The following CDH13 variants were observed in gnomAD, a reference collection of about 807,000 sequenced individuals.
CDH13 encodes cadherin-13.
A neutral mutation model predicts 63.8 loss-of-function variants in CDH13; 24 were observed. That is an observed-to-expected ratio of 0.38 (90% CI 0.27 to 0.53). The LOEUF (loss-of-function observed/expected upper bound fraction) is 0.53, where lower values mean the gene tolerates loss of function less well. CDH13 is among the 20% of genes least tolerant of loss of function. The pLI is 0.85. For missense variants in CDH13, 1,049 were observed against 903.1 expected, an observed-to-expected ratio of 1.16 and a Z score of -2.07; for synonymous variants, 503 against 355.3, an observed-to-expected ratio of 1.42 and a Z score of -4.67.
intron 4 of CDH13, among the ~76,000 whole-genome samples, chr16:83,191,530 CATAT>C (rs71376303): frequency 0.045 from 3,327 of 74,280 alleles, 86 homozygotes; most frequent in African/African-American, 0.065. Flanking sequence ...CACACACACA[CATAT>C]ATATATATAT....
chr16:83,507,591 A>G (rs1232650277), intron 7 of CDH13, among the ~76,000 whole-genome samples: 1 of 152,236 alleles, frequency 6.6e-6, no homozygotes. Flanking sequence ...GGAATGCTTA[A>G]CTGAGCTAGA....
intron 1 of CDH13, among the ~76,000 whole-genome samples, chr16:82,709,752 C>T (rs2031770142): frequency 6.6e-6 from 1 of 152,096 alleles, no homozygotes; most frequent in African/African-American, 2.4e-5. Context: ...CAGGAGCTTC[C>T]ATTTAGTATC....
chr16:82,971,881 T>G (rs890205220), intron 2 of CDH13, among the ~76,000 whole-genome samples: 2 of 152,208 alleles, frequency 1.3e-5, no homozygotes, highest in African/African-American at 4.8e-5. Context: ...GGATTCTGCA[T>G]GGCCTGTACC....
At chr16:82,627,862 T>G (rs1469206326) in intron 1 of CDH13, among the ~76,000 whole-genome samples, 1 of 152,218 alleles carries the variant, frequency 6.6e-6, no homozygotes, top group Non-Finnish European at 1.5e-5. Context: ...CAGCTGGAGC[T>G]CCGGCCAGAT....
intron 6 of CDH13, among the ~76,000 whole-genome samples, chr16:83,355,469 C>T (rs370319285): frequency 2.0e-5 from 3 of 152,200 alleles, no homozygotes; most frequent in African/African-American, 7.2e-5. Context: ...CAACATTTAG[C>T]AGAGTCCCAG....
At chr16:82,898,055 T>C (rs1481227741) in intron 2 of CDH13, among the ~76,000 whole-genome samples, 1 of 152,200 alleles carries the variant, frequency 6.6e-6, no homozygotes, top group Non-Finnish European at 1.5e-5. Context: ...ATAAAACATA[T>C]ACAGTTCTCA....
intron 6 of CDH13, among the ~76,000 whole-genome samples, chr16:83,444,811 T>A (rs1359722304): frequency 8.8e-3 from 2 of 226 alleles, no homozygotes; most frequent in African/African-American, 0.01. Flanking sequence ...AATATTCTCA[T>A]GGTTGGTTTT....
chr16:83,455,661 C>G (rs761961463), intron 6 of CDH13, among the ~76,000 whole-genome samples: 3 of 152,192 alleles, frequency 2.0e-5, no homozygotes, highest in East Asian at 3.9e-4. Flanking sequence ...GAACCTTGAG[C>G]TTTGCAATTT....
intron 3 of CDH13, among the ~76,000 whole-genome samples, chr16:83,075,597 G>A (rs148208859): frequency 8.5e-5 from 13 of 152,200 alleles, no homozygotes; most frequent in African/African-American, 2.7e-4. Flanking sequence ...GGATTCAGAT[G>A]AACTTTGATG....
chr16:83,783,581 G>T, intron 13 of CDH13, 109 bp downstream of exon 13: 2 of 863,892 alleles, frequency 2.3e-6, no homozygotes, highest in Admixed American at 1.8e-5. Context: ...TTTCCCAGAA[G>T]AATCATTCAT....
chr16:83,475,420 C>G (rs1388195103), intron 6 of CDH13, among the ~76,000 whole-genome samples: 1 of 152,208 alleles, frequency 6.6e-6, no homozygotes, highest in African/African-American at 2.4e-5. Context: ...GTCTGGATCC[C>G]TAAGCTGCCA....
chr16:83,581,910 C>G (rs1905643669), intron 7 of CDH13, among the ~76,000 whole-genome samples: 1 of 152,240 alleles, frequency 6.6e-6, no homozygotes, highest in Non-Finnish European at 1.5e-5. Context: ...GCACATACCA[C>G]TGTTGATCTT....
chr16:83,002,594 C>T (rs772430839), intron 2 of CDH13, among the ~76,000 whole-genome samples: 1 of 152,192 alleles, frequency 6.6e-6, no homozygotes, highest in Non-Finnish European at 1.5e-5. Flanking sequence ...TTGGTGCAGA[C>T]AGGCAATAAA....
chr16:82,881,054 C>G (rs560143097), intron 2 of CDH13, among the ~76,000 whole-genome samples: 1 of 152,088 alleles, frequency 6.6e-6, no homozygotes, highest in Non-Finnish European at 1.5e-5. Context: ...TGCGTGGATG[C>G]CATTAGTATT....
chr16:83,562,449 C>A (rs1311298547), intron 7 of CDH13, among the ~76,000 whole-genome samples: 1 of 152,230 alleles, frequency 6.6e-6, no homozygotes, highest in Non-Finnish European at 1.5e-5. Flanking sequence ...AGGAACAACA[C>A]TGGGTTACAT....
chr16:83,402,593 G>A (rs769111332), intron 6 of CDH13, among the ~76,000 whole-genome samples: 3 of 152,182 alleles, frequency 2.0e-5, no homozygotes, highest in Non-Finnish European at 4.4e-5. Context: ...TATGTATGAC[G>A]AACCCAGGTA....
At chr16:83,036,486 C>T (rs1293361943) in intron 3 of CDH13, among the ~76,000 whole-genome samples, 1 of 152,108 alleles carries the variant, frequency 6.6e-6, no homozygotes, top group Admixed American at 6.6e-5. Flanking sequence ...TCTATTGGCT[C>T]ACCATCTGGA....
At chr16:83,061,849 C>T (rs1406571281) in intron 3 of CDH13, among the ~76,000 whole-genome samples, 1 of 152,172 alleles carries the variant, frequency 6.6e-6, no homozygotes, top group East Asian at 1.9e-4. Context: ...TGGTCAATGC[C>T]TGCCTTAATG....
intron 2 of CDH13, chr16:82,859,710 G>A (rs916691809): frequency 6.6e-6 from 1 of 151,738 alleles, no homozygotes; most frequent in African/African-American, 2.4e-5. Context: ...ATGCTATGTG[G>A]CTGACAAGTT....
Sources: allele counts gnomAD v4.1 joint callset (sites outside exome capture counted in the v4.1 genomes callset), GRCh38; gene constraint gnomAD v4.1.1; transcripts MANE v1.5; gene names NCBI Gene and HGNC (gene_info 2026-07-23, HGNC 2026-07-21).